HIP1: variants seen among roughly 807,000 people sequenced by gnomAD.
The protein encoded by HIP1 is huntingtin interacting protein 1.
In HIP1, 65 loss-of-function variants were observed where a neutral mutation model predicts 147.6. The observed-to-expected ratio is 0.44, with a 90% CI of 0.36 to 0.54. The LOEUF is 0.54. Among genes scored for constraint, HIP1 ranks in the 20% least tolerant of loss-of-function variants. HIP1 has a pLI of 0.00. For synonymous variants in HIP1, 479 were observed against 504.0 expected, an observed-to-expected ratio of 0.95 and a Z score of 0.67; for missense variants, 1,061 against 1,299.6, an observed-to-expected ratio of 0.82 and a Z score of 2.82.
At position 75,555,647 on chromosome 7, in the gene HIP1, T is replaced by C. The variant is rs991118960; in HGVS notation, c.1828-96A>G. On this transcript the variant is annotated intron_variant, in intron 18 of 30. Coordinates refer to ENST00000336926, the MANE Select transcript of HIP1 (RefSeq NM_005338.7). ...GGGGCTCTTAGCATCTTAGCTCAAG[T>C]CATGGCCAATGAGGTCCAAGCCAGT... is the stretch of plus-strand genomic sequence containing the variant. 3.7e-6 allele frequency: 5 copies of C among 1,353,606 alleles called. No homozygotes were observed. The African/African-American group carries it at 7.2e-5, about 19-fold the overall frequency. 83.8% of individuals were successfully genotyped at this position (1,353,606 alleles called of 1,614,324 possible).
At chr7:75,683,183 A>T (rs1554517160) in intron 1 of HIP1, among the ~76,000 whole-genome samples, 1 of 151,862 alleles carries the variant, frequency 6.6e-6, no homozygotes, top group African/African-American at 2.4e-5. Flanking sequence ...GGGTTTCACC[A>T]TGTTAGTCAG....
rs565689513 is a variant in HIP1, at chr7:75,711,265, T to C, written c.120+27536A>G. 2.1e-4 allele frequency among the ~76,000 whole-genome samples: 32 copies of C among 152,312 alleles called. No homozygotes were observed. In the Middle Eastern group the frequency reaches 0.01, roughly 49 times the overall value. On this transcript the variant is annotated intron_variant, in intron 1 of 30. Coordinates refer to ENST00000336926, the MANE Select transcript of HIP1 (RefSeq NM_005338.7). ...CTCTTAGATTGCAACATCACTTGAG[T>C]AACTCTTTAGCAAACTCTTTAGCAA...
At chr7:75,635,534 T>C (rs1230645302) in intron 1 of HIP1, among the ~76,000 whole-genome samples, 12 of 136,096 alleles carry the variant, frequency 8.8e-5, no homozygotes, top group African/African-American at 3.4e-4. Context: ...GCCGAGATCG[T>C]GCCACTGCAC....
At chr7:75,708,962 T>G (rs1256407100) in intron 1 of HIP1, among the ~76,000 whole-genome samples, 2 of 152,150 alleles carry the variant, frequency 1.3e-5, no homozygotes, top group Non-Finnish European at 2.9e-5. Context: ...CTTAACAATA[T>G]TAAATCTTCC....
intron 1 of HIP1, among the ~76,000 whole-genome samples, chr7:75,639,515 CG>C (rs1798569568): frequency 6.7e-6 from 1 of 150,236 alleles, no homozygotes. Flanking sequence ...TTCCCGGTGG[CG>C]GGGATCGCCG....
chr7:75,680,393 C>T (rs1320408349), intron 1 of HIP1, among the ~76,000 whole-genome samples: 2 of 152,098 alleles, frequency 1.3e-5, no homozygotes, highest in Non-Finnish European at 2.9e-5. Context: ...CCTCTGTGGT[C>T]ACCATCCTAA....
At chr7:75,712,392 C>T (rs1261647063) in intron 1 of HIP1, among the ~76,000 whole-genome samples, 1 of 152,078 alleles carries the variant, frequency 6.6e-6, no homozygotes, top group Non-Finnish European at 1.5e-5. Flanking sequence ...TTGAGATGCC[C>T]AAATGATGTG....
chr7:75,574,087 T>C (rs1420191462), intron 7 of HIP1, among the ~76,000 whole-genome samples, 186 bp from the exon 8 acceptor site: 2 of 151,970 alleles, frequency 1.3e-5, no homozygotes, highest in Non-Finnish European at 2.9e-5. Context: ...ATTAAACAGG[T>C]GAAGAAACAG....
At chr7:75,647,325 G>A (rs1798832797) in intron 1 of HIP1, among the ~76,000 whole-genome samples, 1 of 149,962 alleles carries the variant, frequency 6.7e-6, no homozygotes, top group African/African-American at 2.5e-5. Flanking sequence ...TTGAACCCAG[G>A]AAGCAAAAGT....
At chr7:75,547,700 AT>A in intron 24 of HIP1, 54 bp downstream of exon 24, 2 of 1,439,614 alleles carry the variant, frequency 1.4e-6, no homozygotes, top group Non-Finnish European at 2.0e-6. Flanking sequence ...GTATAGACCA[AT>A]GTCAGGAAGA....
rs942462492 is a variant in HIP1 at position 75,534,552 on chromosome 7, G to C, written c.*3620C>G. On this transcript the variant is annotated 3_prime_UTR_variant, in exon 31 of 31. Coordinates refer to ENST00000336926, the MANE Select transcript of HIP1 (RefSeq NM_005338.7). ...GGGTTCAAGTGATTCTCCTGCCTCA[G>C]CCTCCCCAGTAGCTGGGATTATAGG... 2.8e-5 allele frequency: 5 copies of C among 176,034 alleles called. No homozygotes were observed. Among genetic ancestry groups the C allele is most frequent in the Middle Eastern group, 2.2e-3 (1 of 456 alleles). 10.9% of individuals were successfully genotyped at this position (176,034 alleles called of 1,614,324 possible).
intron 1 of HIP1, among the ~76,000 whole-genome samples, chr7:75,704,958 A>G (rs1187889289): frequency 6.6e-6 from 1 of 152,208 alleles, no homozygotes; most frequent in Non-Finnish European, 1.5e-5. Context: ...GTTTTAATAC[A>G]TCTTTAAATA....
Position 75,613,872 on chromosome 7 carries a change from A to G in HIP1, c.121-14625T>C, listed in dbSNP as rs587597356. Among the ~76,000 whole-genome samples, 18 of 152,058 alleles carry G rather than the reference A, an allele frequency of 1.2e-4. 1 individual carries two copies. In the South Asian group the frequency reaches 3.5e-3, roughly 30 times the overall value. Reference sequence around the variant, plus strand: ...CCCAGGCAGCTGAGACGACAGGTGCATGCCACCACACCTGGCTAATTTTTA... The same window carrying G: ...CCCAGGCAGCTGAGACGACAGGTGCGTGCCACCACACCTGGCTAATTTTTA... On this transcript the variant is annotated intron_variant, in intron 1 of 30. Coordinates refer to ENST00000336926, the MANE Select transcript of HIP1 (RefSeq NM_005338.7).
rs1405874695 is a variant in HIP1, at chr7:75,536,341, T to C, written c.*1831A>G. 1 of 101,020 alleles carries C rather than the reference T, an allele frequency of 9.9e-6. No individual in the cohort carries two copies. The highest frequency in any genetic ancestry group is 4.3e-5 in the African/African-American group (1 of 23,448). The allele number at this position is 101,020 out of a possible 1,614,324, so 6.3% of individuals were successfully genotyped here. On this transcript the variant is annotated 3_prime_UTR_variant, in exon 31 of 31. Transcript: ENST00000336926. The stretch of plus-strand genomic sequence containing the variant: ...ACTTAGAAAATGCACAGAGAGGGAG[T>C]TGGGGAGGGGGGTGGGCTAGGGAGA...
At position 75,716,586 on chromosome 7, in the gene HIP1, C is replaced by T. The variant is rs534517101; in HGVS notation, c.120+22215G>A. On this transcript the variant is annotated intron_variant, in intron 1 of 30. Coordinates refer to ENST00000336926, the MANE Select transcript of HIP1 (RefSeq NM_005338.7). ...CCAGGCTGGAGTGCAGTGGTACAAT[C>T]TCGGCTCACTGCAAGCTCCGCCTCC... Among the ~76,000 whole-genome samples, 16 of 149,672 alleles carry T rather than the reference C, an allele frequency of 1.1e-4. No homozygotes were observed. In the South Asian group the frequency reaches 3.4e-3, roughly 32 times the overall value.
In HIP1 at chr7:75,735,602, A is replaced by C. The variant is rs115101184; in HGVS notation, c.120+3199T>G. 4.1e-3 allele frequency among the ~76,000 whole-genome samples: 631 copies of C among 152,104 alleles called. 3 individuals are homozygous for C. The highest frequency in any genetic ancestry group is 0.015 in the African/African-American group (604 of 41,510). On this transcript the variant is annotated intron_variant, in intron 1 of 30. Transcript: ENST00000336926. The stretch of plus-strand genomic sequence containing the variant: ...GCTCTGCAACCTCATAATACATTTG[A>C]TAGGTAGTCATTAAACAAAATAATT...
chr7:75,539,907 T>A (rs1721176059), intron 29 of HIP1, among the ~76,000 whole-genome samples: 1 of 152,226 alleles, frequency 6.6e-6, no homozygotes, highest in African/African-American at 2.4e-5. Flanking sequence ...ATGTTTAGCC[T>A]AACTGTATGG....
chr7:75,664,525 TACATACATATATAC>T lies in HIP1; in HGVS notation c.121-65292_121-65279del, dbSNP rs1799495396. Among the ~76,000 whole-genome samples, 6 of 150,370 alleles carry T rather than the reference TACATACATATATAC, an allele frequency of 4.0e-5. No individual in the cohort carries two copies. The South Asian group carries it at 1.2e-3, about 31-fold the overall frequency. The stretch of plus-strand genomic sequence containing the variant: ...ATATATGTATGTGTATGTATACGTA[TACATACATATATAC>T]ACATACATATATATGTATGTGTATG... On this transcript the variant is annotated intron_variant, in intron 1 of 30. Transcript: ENST00000336926.
rs55679922 is a variant in HIP1 at position 75,551,189 on chromosome 7, ATTTTTTT to A, written c.2296-2195_2296-2189del. ...TAGGGAGGCAAAGATGTAGATGATAATTTTTTTTTTTTTTTTTTTTTTTTTTGAGGCA... is the reference window on the plus strand; with the variant it reads ...TAGGGAGGCAAAGATGTAGATGATAATTTTTTTTTTTTTTTTTTTGAGGCA... On this transcript the variant is annotated intron_variant, in intron 22 of 30. Transcript: ENST00000336926. Among the ~76,000 whole-genome samples, 132 of 77,424 alleles carry A rather than the reference ATTTTTTT, an allele frequency of 1.7e-3. 4 individuals are homozygous for A. The highest frequency in any genetic ancestry group is 5.4e-3 in the African/African-American group (79 of 14,728). The allele number at this position is 77,424 out of a possible 152,430, so 50.8% of individuals were successfully genotyped here.
Sources: allele counts gnomAD v4.1 joint callset (sites outside exome capture counted in the v4.1 genomes callset), GRCh38; gene constraint gnomAD v4.1.1; transcripts MANE v1.5; gene names NCBI Gene and HGNC (gene_info 2026-07-23, HGNC 2026-07-21).